The following DIPK2A variants were observed in gnomAD, a reference collection of about 807,000 sequenced individuals.
The protein encoded by DIPK2A is divergent protein kinase domain 2A.
Under a neutral mutation model 39.0 loss-of-function variants are expected in DIPK2A, and 27 were observed. That is an observed-to-expected ratio of 0.69 (90% CI 0.51 to 0.96). The LOEUF is 0.96. Among genes scored for constraint, DIPK2A ranks in the 40% least tolerant of loss-of-function variants. The pLI, the probability that DIPK2A is intolerant of heterozygous loss-of-function variation, is 0.00. For missense variants in DIPK2A, 528 were observed against 571.3 expected (o/e 0.92, Z 0.77); for synonymous variants, 298 against 240.8 (o/e 1.24, Z -2.20).
rs201605316 is a variant in DIPK2A, at chr3:143,989,606, G to A, written c.1058G>A (p.Arg353His). The part of the protein sequence containing the change: ...LSFSKEILCA[R>H]ATVDHNYYAV... ...TTTTCAAAAGAAATTCTTTGTGCTC[G>A]TGCCACTGTGGACCACAATTACTAT... Residue 353 changes from arginine (R) to histidine (H), a missense_variant, in exon 3 of 3, where the codon CGT becomes CAT. Transcript: ENST00000315691. The A allele has an allele frequency of 3.2e-5, 52 of 1,614,014 alleles. No homozygotes were observed. The highest frequency in any genetic ancestry group is 4.0e-5 in the Non-Finnish European group (47 of 1,180,010).
In DIPK2A at chr3:143,972,802, C is replaced by T. The variant is rs1037983413; in HGVS notation, c.470C>T (p.Thr157Met). ...ARLNGDVRLLTPEAVEGWSDL... is the reference protein window; with the variant it reads ...ARLNGDVRLLMPEAVEGWSDL... The stretch of plus-strand genomic sequence containing the variant: ...CTCAACGGCGACGTGCGTCTGCTCA[C>T]GCCCGAGGCGGTGGAGGGCTGGTCG... The change falls in exon 1 of 3, where the codon ACG becomes ATG. Residue 157 changes from threonine to methionine, a missense_variant. By Grantham distance (81) the Thr-to-Met change is moderately conservative (BLOSUM62 -1). Transcript: ENST00000315691. The T allele has an allele frequency of 1.9e-6, 3 of 1,565,392 alleles. No individual in the cohort carries two copies. The highest frequency in any genetic ancestry group is 1.8e-5 in the Admixed American group (1 of 54,354).
chr3:143,974,178 A>G (rs984640350), intron 1 of DIPK2A, among the ~76,000 whole-genome samples: 1 of 145,062 alleles, frequency 6.9e-6, no homozygotes, highest in Non-Finnish European at 1.5e-5. Flanking sequence ...ATTTCTTTAT[A>G]TTATTTTCTT....
Position 143,972,803 on chromosome 3 carries a change from GC to G in DIPK2A, c.474del (p.Glu159ArgfsTer49). ...RLNGDVRLLT[P>X]EAVEGWSDLV... ...TCAACGGCGACGTGCGTCTGCTCAC[GC>G]CCGAGGCGGTGGAGGGCTGGTCGGA... On this transcript the variant is annotated frameshift_variant, in exon 1 of 3. Coordinates refer to ENST00000315691, the MANE Select transcript of DIPK2A (RefSeq NM_173552.5). LOFTEE classifies it high-confidence loss of function. 1 of 1,564,970 alleles carries G rather than the reference GC, an allele frequency of 6.4e-7. No homozygotes were observed.
At chr3:143,985,928 G>A in intron 2 of DIPK2A, 82 bp downstream of exon 2, 1 of 1,180,672 alleles carries the variant, frequency 8.5e-7, no homozygotes, top group South Asian at 1.6e-5. Context: ...AATGAGCCTT[G>A]AATTTCCTCC....
At chr3:143,978,109 C>G (rs75895467) in intron 1 of DIPK2A, among the ~76,000 whole-genome samples, 1 of 152,164 alleles carries the variant, frequency 6.6e-6, no homozygotes, top group East Asian at 1.9e-4. Flanking sequence ...GGGTGTCCAG[C>G]TTCTCAGGGG....
At chr3:143,978,182 T>G (rs1019405690) in intron 1 of DIPK2A, among the ~76,000 whole-genome samples, 5 of 152,110 alleles carry the variant, frequency 3.3e-5, no homozygotes, top group Non-Finnish European at 2.9e-5. Flanking sequence ...TTCCTATTTT[T>G]CTGTCATTGC....
intron 1 of DIPK2A, among the ~76,000 whole-genome samples, chr3:143,980,856 A>G (rs917948001): frequency 3.3e-5 from 5 of 152,236 alleles, no homozygotes; most frequent in South Asian, 2.1e-4. Flanking sequence ...TTATGAGGTA[A>G]TGAAGTATTA....
chr3:143,979,223 T>A (rs915119452), intron 1 of DIPK2A, among the ~76,000 whole-genome samples: 12 of 152,146 alleles, frequency 7.9e-5, no homozygotes, highest in Admixed American at 2.0e-4. Context: ...TATAGTTTTT[T>A]AAAAATAGTA....
At chr3:143,973,752 A>T in intron 1 of DIPK2A, 2 of 602,124 alleles carry the variant, frequency 3.3e-6, no homozygotes, top group Non-Finnish European at 3.0e-6. Context: ...GGCGAGTATC[A>T]GGGAAGGAGA....
chr3:143,975,877 C>G (rs890416375), intron 1 of DIPK2A, among the ~76,000 whole-genome samples: 4 of 152,040 alleles, frequency 2.6e-5, no homozygotes, highest in Non-Finnish European at 5.9e-5. Context: ...TCCAAGTATT[C>G]TTAACAAAAC....
chr3:143,972,409 T>G lies in DIPK2A; in HGVS notation c.77T>G (p.Val26Gly). 6.6e-7 allele frequency: 1 copy of G among 1,517,436 alleles called. No homozygotes were observed. Among genetic ancestry groups the G allele is most frequent in the Non-Finnish European group, 8.8e-7 (1 of 1,130,158 alleles). The allele number at this position is 1,517,436 out of a possible 1,614,324, so 94.0% of individuals were successfully genotyped here. Residue 26 changes from valine to glycine, a missense_variant, in exon 1 of 3, where the codon GTG (valine) becomes GGG (glycine). Physicochemically the swap from Val to Gly is moderately radical, Grantham distance 109. Around this residue, in one of 2 missense-constraint regions of DIPK2A, gnomAD observed 309 missense variants for 289.8 expected, o/e 1.07. Transcript: ENST00000315691. Reference sequence around the variant, plus strand: ...CTGGCGGCGCTGGGCAGCCTGTTGGTGCTGATGGTGCTGCACTCGCCGTCG... The same window carrying G: ...CTGGCGGCGCTGGGCAGCCTGTTGGGGCTGATGGTGCTGCACTCGCCGTCG... The part of the protein sequence containing the change: ...LKLAALGSLL[V>G]LMVLHSPSLL...
chr3:143,972,010 G>A lies in DIPK2A; in HGVS notation c.-323G>A, dbSNP rs746570712. The A allele has an allele frequency of 1.3e-5, 4 of 300,958 alleles. No individual in the cohort carries two copies. The highest frequency in any genetic ancestry group is 1.8e-5 in the Non-Finnish European group (3 of 163,782). The allele number at this position is 300,958 out of a possible 1,614,324, so 18.6% of individuals were successfully genotyped here. A position where few individuals can be genotyped will look rare whatever the true frequency, so the allele number is the denominator to read the frequency against. On this transcript the variant is annotated 5_prime_UTR_variant, in exon 1 of 3. Transcript: ENST00000315691. ...CGCGGGCACGGGCGCGCGACCGTCG[G>A]GTCCCCGCGCTCCCTCCCCCTCCCG...
intron 1 of DIPK2A, among the ~76,000 whole-genome samples, chr3:143,982,501 G>A (rs1045427102): frequency 7.2e-5 from 11 of 152,288 alleles, no homozygotes; most frequent in Non-Finnish European, 1.5e-4. Flanking sequence ...GCCAAATTAA[G>A]CTTCATAAGC....
intron 1 of DIPK2A, among the ~76,000 whole-genome samples, chr3:143,982,286 G>A (rs776029671): frequency 7.9e-5 from 12 of 152,102 alleles, no homozygotes; most frequent in Non-Finnish European, 1.6e-4. Flanking sequence ...TGTAGATGCC[G>A]TTTTAGTAGG....
intron 1 of DIPK2A, among the ~76,000 whole-genome samples, chr3:143,980,511 C>T (rs1330278214): frequency 1.3e-5 from 2 of 152,132 alleles, no homozygotes; most frequent in African/African-American, 4.8e-5. Flanking sequence ...AGGTGATCTG[C>T]CCACTTAGGC....
chr3:143,972,771 G>A lies in DIPK2A; in HGVS notation c.439G>A (p.Ala147Thr). The A allele has an allele frequency of 6.4e-7, 1 of 1,571,736 alleles. No individual in the cohort carries two copies. The highest frequency in any genetic ancestry group is 2.3e-5 in the East Asian group (1 of 43,138). ...GCAGGCCATGCCCCGGACCGAGTTCGCGCGCCTCAACGGCGACGTGCGTCT... is the reference window on the plus strand; with the variant it reads ...GCAGGCCATGCCCCGGACCGAGTTCACGCGCCTCAACGGCGACGTGCGTCT... ...LLQAMPRTEF[A>T]RLNGDVRLLT... The change falls in exon 1 of 3, where the codon GCG becomes ACG. Residue 147 changes from alanine (A) to threonine (T), a missense_variant. Ala to Thr is a moderately conservative substitution (Grantham distance 58). Coordinates refer to ENST00000315691, the MANE Select transcript of DIPK2A (RefSeq NM_173552.5).
In DIPK2A at chr3:143,972,405, T is replaced by G; in HGVS notation, c.73T>G (p.Leu25Val). 6.7e-7 allele frequency: 1 copy of G among 1,500,566 alleles called. No individual in the cohort carries two copies. The highest frequency in any genetic ancestry group is 8.9e-7 in the Non-Finnish European group (1 of 1,122,072). 93.0% of individuals were successfully genotyped at this position (1,500,566 alleles called of 1,614,324 possible). A position where few individuals can be genotyped will look rare whatever the true frequency, so the allele number is the denominator to read the frequency against. The part of the protein sequence containing the change: ...SLKLAALGSL[L>V]VLMVLHSPSL... ...GAAGCTGGCGGCGCTGGGCAGCCTG[T>G]TGGTGCTGATGGTGCTGCACTCGCC... The change falls in exon 1 of 3, where the codon TTG becomes GTG. Residue 25 changes from leucine (L) to valine (V), a missense_variant. Physicochemically the swap from Leu to Val is conservative, Grantham distance 32 (BLOSUM62 1). Transcript: ENST00000315691.
In DIPK2A at chr3:143,972,308, C is replaced by T. The variant is rs953624886; in HGVS notation, c.-25C>T. On this transcript the variant is annotated 5_prime_UTR_variant, in exon 1 of 3. Transcript: ENST00000315691. ...GGGGCGCCCCGGGGGTGCCCTCGCC[C>T]TCCCGTTGCGGGCGGGCGGGCGGTA... 7.4e-7 allele frequency: 1 copy of T among 1,350,178 alleles called. No individual in the cohort carries two copies. The highest frequency in any genetic ancestry group is 9.5e-7 in the Non-Finnish European group (1 of 1,056,742). 83.6% of individuals were successfully genotyped at this position (1,350,178 alleles called of 1,614,324 possible). A position where few individuals can be genotyped will look rare whatever the true frequency, so the allele number is the denominator to read the frequency against.
At chr3:143,973,106 A>G (rs1177642096) in intron 1 of DIPK2A, 117 bp downstream of exon 1, 1 of 1,365,676 alleles carries the variant, frequency 7.3e-7, no homozygotes, top group Non-Finnish European at 1.0e-6. Flanking sequence ...GGGCTGGGCC[A>G]GGCTGCAGGC....
Sources: gnomAD v4.1 joint callset for allele counts (sites outside exome capture counted in the v4.1 genomes callset) on GRCh38, gnomAD v4.1.1 for gene constraint, gnomAD v4.1.1 regional missense constraint, MANE v1.5 for transcripts, NCBI Gene and HGNC (gene_info 2026-07-23, HGNC 2026-07-21) for gene names.